Variants in PRRG1 observed in about 807,000 individuals in gnomAD.
PRRG1 encodes the protein transmembrane gamma-carboxyglutamic acid protein 1.
A neutral mutation model predicts 11.8 loss-of-function variants in PRRG1; 5 were observed. The ratio of observed to expected loss-of-function variants is 0.42; its 90% CI spans 0.22 to 0.89. PRRG1 has a LOEUF of 0.89. Ranked by LOEUF, PRRG1 falls within the 40% of genes least tolerant of loss-of-function variation. PRRG1 has a pLI of 0.28. For missense variants in PRRG1, 155 were observed against 166.1 expected (o/e 0.93, Z 0.37); for synonymous variants, 66 against 60.4 (o/e 1.09, Z -0.43).
intron 1 of PRRG1, among the ~76,000 whole-genome samples, chrX:37,382,925 C>A (rs1386570596): frequency 9.0e-6 from 1 of 111,577 alleles, no homozygotes; most frequent in South Asian, 3.7e-4. Context: ...TTTCATTTCT[C>A]TTCTGCTTTC....
intron 1 of PRRG1, among the ~76,000 whole-genome samples, chrX:37,384,634 G>T (rs375966619): frequency 5.4e-5 from 6 of 111,572 alleles, no homozygotes; most frequent in African/African-American, 2.0e-4. Context: ...TCCAAAAATT[G>T]ATGTATGTTT....
At chrX:37,392,223 C>T (rs782474074) in intron 1 of PRRG1, among the ~76,000 whole-genome samples, 15 of 111,606 alleles carry the variant, frequency 1.3e-4, no homozygotes, top group African/African-American at 4.9e-4. Context: ...TAGCCACACA[C>T]AAATTTGTTT....
At chrX:37,361,524 T>C (rs1441939843) in intron 1 of PRRG1, among the ~76,000 whole-genome samples, 6 of 111,680 alleles carry the variant, frequency 5.4e-5, no homozygotes, top group African/African-American at 2.0e-4. Flanking sequence ...AATTTGAACT[T>C]TTAGGTACAT....
At chrX:37,364,238 A>G (rs1459544914) in intron 1 of PRRG1, among the ~76,000 whole-genome samples, 2 of 110,978 alleles carry the variant, frequency 1.8e-5, no homozygotes, top group African/African-American at 6.6e-5. Context: ...TCTGTTAACC[A>G]TCTACTCCTC....
At position 37,455,905 on chromosome X, in the gene PRRG1, A is replaced by G. The variant is rs782152086; in HGVS notation, c.*2284A>G. Reference sequence around the variant, plus strand: ...ACCAGCAGTTTTCAAAGTATGGCCAATGGACCCCTGGGTTCCTTGAGAGCC... The same window carrying G: ...ACCAGCAGTTTTCAAAGTATGGCCAGTGGACCCCTGGGTTCCTTGAGAGCC... On this transcript the variant is annotated 3_prime_UTR_variant, in exon 4 of 4. Transcript: ENST00000378628. The G allele has an allele frequency of 1.8e-5, 2 of 111,960 alleles. No homozygotes were observed. Among genetic ancestry groups the G allele is most frequent in the African/African-American group, 3.2e-5 (1 of 30,844 alleles). The allele number at this position is 111,960 out of a possible 1,213,427, so 9.2% of individuals were successfully genotyped here.
chrX:37,429,122 A>G (rs1932801526), intron 3 of PRRG1, among the ~76,000 whole-genome samples: 1 of 111,678 alleles, frequency 9.0e-6, no homozygotes, highest in Admixed American at 9.4e-5. Context: ...GGACTTCCAA[A>G]TCTGTGATAG....
At chrX:37,427,249 T>C (rs1195830398) in intron 3 of PRRG1, among the ~76,000 whole-genome samples, 2 of 112,242 alleles carry the variant, frequency 1.8e-5, no homozygotes, top group Non-Finnish European at 3.8e-5. Context: ...AAGTACTTTA[T>C]ACAAGTGAAT....
chrX:37,451,867 G>T (rs1921153245), intron 3 of PRRG1, among the ~76,000 whole-genome samples: 1 of 111,888 alleles, frequency 8.9e-6, no homozygotes, highest in Non-Finnish European at 1.9e-5. Flanking sequence ...ACCAAATTTG[G>T]TGTTTTATCT....
At chrX:37,364,198 T>G (rs1006535597) in intron 1 of PRRG1, among the ~76,000 whole-genome samples, 6 of 110,403 alleles carry the variant, frequency 5.4e-5, no homozygotes, top group African/African-American at 2.0e-4. Flanking sequence ...TATCACCCCC[T>G]CCAAAAAAGT....
At chrX:37,351,639 G>A (rs782663662) in intron 1 of PRRG1, among the ~76,000 whole-genome samples, 1 of 112,593 alleles carries the variant, frequency 8.9e-6, no homozygotes, top group South Asian at 3.7e-4. Flanking sequence ...TAAGTACTGT[G>A]TGGAAATATG....
At chrX:37,382,730 C>T in intron 1 of PRRG1, among the ~76,000 whole-genome samples, 1 of 110,972 alleles carries the variant, frequency 9.0e-6, no homozygotes, top group Non-Finnish European at 1.9e-5. Context: ...TTTTGCATGT[C>T]TAGTATGTGT....
chrX:37,403,803 G>T (rs1556381237), intron 1 of PRRG1: 1 of 735,367 alleles, frequency 1.4e-6, no homozygotes, highest in East Asian at 1.5e-4. Flanking sequence ...GGGAGTTTGG[G>T]GCTTGAGGTG....
intron 2 of PRRG1, among the ~76,000 whole-genome samples, chrX:37,420,599 A>G (rs1932625952): frequency 9.5e-6 from 1 of 105,021 alleles, no homozygotes. Context: ...TTGGGAGGCC[A>G]AGGTGGGAAG....
chrX:37,403,732 C>G (rs1309167649), intron 1 of PRRG1: 62 of 750,372 alleles, frequency 8.3e-5, no homozygotes, highest in Non-Finnish European at 8.0e-5. Flanking sequence ...ACTAGAACAG[C>G]AGAGGATCCG....
At chrX:37,406,022 T>A (rs782634696) in intron 1 of PRRG1, among the ~76,000 whole-genome samples, 187 bp from the exon 2 acceptor site, 1 of 112,066 alleles carries the variant, frequency 8.9e-6, no homozygotes, top group Non-Finnish European at 1.9e-5. Flanking sequence ...TCCAGAATAT[T>A]GTGCTTCTGT....
chrX:37,426,777 C>T (rs376601512), intron 3 of PRRG1, among the ~76,000 whole-genome samples: 98 of 112,418 alleles, frequency 8.7e-4, no homozygotes, highest in Non-Finnish European at 1.6e-3. Flanking sequence ...TCACAAAGCA[C>T]GGTTGACCTT....
intron 3 of PRRG1, among the ~76,000 whole-genome samples, chrX:37,446,167 A>G (rs1407362265): frequency 8.9e-6 from 1 of 112,349 alleles, no homozygotes; most frequent in Non-Finnish European, 1.9e-5. Context: ...CTAAGATGAT[A>G]ATGATTTAAT....
intron 1 of PRRG1, among the ~76,000 whole-genome samples, chrX:37,361,860 T>C (rs1556367752): frequency 8.9e-6 from 1 of 112,274 alleles, no homozygotes; most frequent in Non-Finnish European, 1.9e-5. Flanking sequence ...AGTAATCCTC[T>C]CTGACATGTT....
chrX:37,358,481 G>T (rs1408049731), intron 1 of PRRG1, among the ~76,000 whole-genome samples: 4 of 110,809 alleles, frequency 3.6e-5, no homozygotes, highest in Non-Finnish European at 7.6e-5. Context: ...AGCATCATTT[G>T]TTGAAAAGTC....
Sources: gnomAD v4.1 joint callset for allele counts (sites outside exome capture counted in the v4.1 genomes callset) on GRCh38, gnomAD v4.1.1 for gene constraint, MANE v1.5 for transcripts, NCBI Gene and HGNC (gene_info 2026-07-23, HGNC 2026-07-21) for gene names.